Variants in DARS2 observed in about 807,000 individuals in gnomAD.
DARS2 encodes the protein aspartyl-tRNA synthetase 2, mitochondrial, also known as aspartate--tRNA ligase, mitochondrial.
A neutral mutation model predicts 83.0 loss-of-function variants in DARS2; 63 were observed. That is an observed-to-expected ratio of 0.76 (90% CI 0.62 to 0.94). The LOEUF (loss-of-function observed/expected upper bound fraction) is 0.94, where lower values mean the gene tolerates loss of function less well. Ranked by LOEUF, DARS2 falls within the 40% of genes least tolerant of loss-of-function variation. The pLI, the probability that DARS2 is intolerant of heterozygous loss-of-function variation, is 0.00. For synonymous variants in DARS2, 250 were observed against 269.3 expected (o/e 0.93, Z 0.70); for missense variants, 675 against 774.4 (o/e 0.87, Z 1.52).
chr1:173,846,970 C>CT (rs1319812730), intron 12 of DARS2, among the ~76,000 whole-genome samples: 1 of 152,008 alleles, frequency 6.6e-6, no homozygotes, highest in African/African-American at 2.4e-5. Flanking sequence ...GAAAAGGAGG[C>CT]TATAGGACTA....
intron 11 of DARS2, among the ~76,000 whole-genome samples, chr1:173,843,609 G>A (rs1224276905): frequency 6.6e-6 from 1 of 152,184 alleles, no homozygotes; most frequent in East Asian, 1.9e-4. Context: ...AAAACACTCA[G>A]TAGCTGAGGT....
At position 173,857,786 on chromosome 1, in the gene DARS2, C is replaced by A; in HGVS notation, c.*81C>A. The A allele has an allele frequency of 6.9e-7, 1 of 1,445,772 alleles. No individual in the cohort carries two copies. Among genetic ancestry groups the A allele is most frequent in the Non-Finnish European group, 9.7e-7 (1 of 1,035,368 alleles). The allele number at this position is 1,445,772 out of a possible 1,614,324, so 89.6% of individuals were successfully genotyped here. A position where few individuals can be genotyped will look rare whatever the true frequency, so the allele number is the denominator to read the frequency against. ...CAAGGCTAAAGTCAGATCTAGAGTT[C>A]TGCCACAGGTCTAACAATCAAGTCT... On this transcript the variant is annotated 3_prime_UTR_variant, in exon 17 of 17. Transcript: ENST00000649689.
rs201075602 is a variant in DARS2, at chr1:173,826,743, T to C, written c.184T>C (p.Leu62=). 85 of 1,613,744 alleles carry C rather than the reference T, an allele frequency of 5.3e-5. No individual in the cohort carries two copies. In the South Asian group the frequency reaches 8.1e-4, roughly 15 times the overall value. Residue 62 remains leucine (L), a synonymous_variant, in exon 2 of 17, where the codon TTA becomes CTA. Transcript: ENST00000649689. ...NTCGELRSSH[L]GQEVTLCGWI... The stretch of plus-strand genomic sequence containing the variant: ...ATGTGGAGAGTTGCGTTCGTCTCAC[T>C]TAGGCCAAGAAGTCACCTTGTGTGG...
intron 13 of DARS2, among the ~76,000 whole-genome samples, chr1:173,850,751 G>A (rs768898247): frequency 6.6e-6 from 1 of 151,624 alleles, no homozygotes; most frequent in Non-Finnish European, 1.5e-5. Flanking sequence ...GATTACAGGC[G>A]CACGCTGCCA....
intron 13 of DARS2, chr1:173,851,769 CT>C (rs1571997135): frequency 2.2e-6 from 2 of 901,414 alleles, no homozygotes; most frequent in East Asian, 2.4e-4. Context: ...GATAGTGTGT[CT>C]AACTAGTACT....
chr1:173,831,117 A>G (rs1652782022), intron 4 of DARS2, among the ~76,000 whole-genome samples: 1 of 151,806 alleles, frequency 6.6e-6, no homozygotes, highest in Admixed American at 6.6e-5. Flanking sequence ...GGGTTTCACC[A>G]TGTTGGCCAG....
chr1:173,850,599 A>C, intron 13 of DARS2, 120 bp downstream of exon 13: 1 of 1,090,644 alleles, frequency 9.2e-7, no homozygotes, highest in Non-Finnish European at 1.3e-6. Flanking sequence ...GCTGCTCTGC[A>C]TAAATCTTTT....
intron 11 of DARS2, among the ~76,000 whole-genome samples, chr1:173,842,952 A>AG (rs1429905553): frequency 6.6e-6 from 1 of 151,588 alleles, no homozygotes; most frequent in Non-Finnish European, 1.5e-5. Flanking sequence ...AAAAAAAAAA[A>AG]AAAAAGTAAT....
intron 11 of DARS2, among the ~76,000 whole-genome samples, chr1:173,844,669 C>CAAAAAAAAAAAAAAA (rs549839808): frequency 2.0e-4 from 6 of 29,928 alleles, no homozygotes; most frequent in African/African-American, 4.8e-4. Context: ...GACTCCATCG[C>CAAAAAAAAAAAAAAA]AAAAAAAAAA....
chr1:173,851,018 G>A (rs888268080), intron 13 of DARS2, among the ~76,000 whole-genome samples: 37 of 151,856 alleles, frequency 2.4e-4, no homozygotes, highest in Admixed American at 2.1e-3. Context: ...TGGGTGGATC[G>A]CCTGAGGTCA....
chr1:173,828,682 T>C (rs1225436547), intron 3 of DARS2, among the ~76,000 whole-genome samples: 1 of 152,200 alleles, frequency 6.6e-6, no homozygotes, highest in Admixed American at 6.5e-5. Context: ...GAAATGTGAA[T>C]TGAAACTGCA....
At chr1:173,837,302 T>C (rs1653041247) in intron 8 of DARS2, among the ~76,000 whole-genome samples, 3 of 151,706 alleles carry the variant, frequency 2.0e-5, no homozygotes, top group African/African-American at 7.3e-5. Flanking sequence ...TAGGTTCTAC[T>C]CTCAAGGTGT....
chr1:173,829,588 C>T (rs1028735216), intron 3 of DARS2, among the ~76,000 whole-genome samples: 2 of 151,640 alleles, frequency 1.3e-5, no homozygotes, highest in Admixed American at 6.6e-5. Flanking sequence ...CCAGCCTGGG[C>T]AACAGTGAAA....
At position 173,831,527 on chromosome 1, in the gene DARS2, T is replaced by C; in HGVS notation, c.397-8T>C. The C allele has an allele frequency of 6.2e-7, 1 of 1,607,634 alleles. No homozygotes were observed. Among genetic ancestry groups the C allele is most frequent in the Non-Finnish European group, 8.5e-7 (1 of 1,174,204 alleles). On this transcript the variant is annotated splice_region_variant and splice_polypyrimidine_tract_variant and intron_variant, in intron 4 of 16. Coordinates refer to ENST00000649689, the MANE Select transcript of DARS2 (RefSeq NM_018122.5). ...AATTTTTAAAACCCTTCCTTCTCAC[T>C]CTCCAAGAAAATGCCAACAGGTGAG...
chr1:173,825,237 T>G lies in DARS2; in HGVS notation c.8T>G (p.Phe3Cys). Residue 3 changes from phenylalanine to cysteine, a missense_variant, in exon 1 of 17, where the codon TTC becomes TGC. By Grantham distance (205) the Phe-to-Cys change is radical. Coordinates refer to ENST00000649689, the MANE Select transcript of DARS2 (RefSeq NM_018122.5). ...CCATCGTGTGGCTCCAACATGTACT[T>G]CCCTTCTTGGTTAAGTCAGCTGTAC... MY[F>C]PSWLSQLYRG... 37 of 1,612,450 alleles carry G rather than the reference T, an allele frequency of 2.3e-5. No homozygotes were observed. Among genetic ancestry groups the G allele is most frequent in the Non-Finnish European group, 3.1e-5 (37 of 1,178,982 alleles).
At chr1:173,847,815 G>A (rs1289193467) in intron 12 of DARS2, among the ~76,000 whole-genome samples, 3 of 137,558 alleles carry the variant, frequency 2.2e-5, no homozygotes, top group Non-Finnish European at 4.7e-5. Flanking sequence ...TAGTTACTCT[G>A]TACCTTCTGC....
chr1:173,841,142 A>T (rs1653188113), intron 11 of DARS2, among the ~76,000 whole-genome samples, 169 bp downstream of exon 11: 1 of 152,168 alleles, frequency 6.6e-6, no homozygotes, highest in South Asian at 2.1e-4. Flanking sequence ...TGGGAGGCCG[A>T]GGCGTGTGGA....
rs747676995 is a variant in DARS2 at position 173,834,467 on chromosome 1, T to C, written c.617-6T>C. On this transcript the variant is annotated splice_polypyrimidine_tract_variant and splice_region_variant and intron_variant, in intron 6 of 16. Coordinates refer to ENST00000649689, the MANE Select transcript of DARS2 (RefSeq NM_018122.5). ...CTACTAAGTGATAATGTTTCTCTCT[T>C]TTTAGGGTTTGTGGATATAGAAACC... 9 of 1,604,338 alleles carry C rather than the reference T, an allele frequency of 5.6e-6. No individual in the cohort carries two copies. The South Asian group carries it at 9.9e-5, about 18-fold the overall frequency.
chr1:173,847,844 C>CTTTTTTTTTTTTTT (rs1160841148), intron 12 of DARS2, among the ~76,000 whole-genome samples: 1 of 78,616 alleles, frequency 1.3e-5, no homozygotes, highest in Non-Finnish European at 2.2e-5. Context: ...CTTTCTGAAC[C>CTTTTTTTTTTTTTT]TTTTTTTTTT....
Sources: gnomAD v4.1 joint callset for allele counts (sites outside exome capture counted in the v4.1 genomes callset) on GRCh38, gnomAD v4.1.1 for gene constraint, MANE v1.5 for transcripts, NCBI Gene and HGNC (gene_info 2026-07-23, HGNC 2026-07-21) for gene names.